Variants in TMEM178A observed in about 807,000 individuals in gnomAD.
TMEM178A encodes the protein transmembrane protein 178.
Under a neutral mutation model 29.1 loss-of-function variants are expected in TMEM178A, and 12 were observed. The ratio of observed to expected loss-of-function variants is 0.41; its 90% CI spans 0.26 to 0.67. The LOEUF (loss-of-function observed/expected upper bound fraction) is 0.67, where lower values mean the gene tolerates loss of function less well. Ranked by LOEUF, TMEM178A falls within the 30% of genes least tolerant of loss-of-function variation. The pLI, the probability that TMEM178A is intolerant of heterozygous loss-of-function variation, is 0.29. For missense variants in TMEM178A, 366 were observed against 419.1 expected (o/e 0.87, Z 1.11); for synonymous variants, 210 against 187.2 (o/e 1.12, Z -0.99).
At chr2:39,718,506 A>G (rs111293314), downstream of TMEM178A, among the ~76,000 whole-genome samples, 3 of 152,356 alleles carry the variant, frequency 2.0e-5, no homozygotes, top group African/African-American at 7.2e-5. Context: ...CATTTGGGCC[A>G]GAACCGTGGT....
At position 39,689,656 on chromosome 2, in the gene TMEM178A, T is replaced by C. The variant is rs1468642467; in HGVS notation, c.401-14425T>C. Among the ~76,000 whole-genome samples the C allele has an allele frequency of 2.0e-5, 3 of 152,180 alleles. No homozygotes were observed. The East Asian group carries it at 5.8e-4, about 29-fold the overall frequency. Reference sequence around the variant, plus strand: ...TCTGGAGCTGGATGGTGGTGATGGGTGCACAACAATATGAATGTATTTAAT... The same window carrying C: ...TCTGGAGCTGGATGGTGGTGATGGGCGCACAACAATATGAATGTATTTAAT... On this transcript the variant is annotated intron_variant, in intron 1 of 3. Transcript: ENST00000281961.
chr2:39,665,658 A>G (rs13409569), upstream of TMEM178A: 30,874 of 233,542 alleles, frequency 0.13, 4,721 homozygotes, highest in African/African-American at 0.47. Flanking sequence ...GAGGGGCGAG[A>G]GGAGTGCGCG....
chr2:39,708,692 C>G (rs544935824), intron 3 of TMEM178A, among the ~76,000 whole-genome samples: 1 of 152,038 alleles, frequency 6.6e-6, no homozygotes. Context: ...GCTGGGATTA[C>G]AGGCGTGAGC....
intron 1 of TMEM178A, among the ~76,000 whole-genome samples, chr2:39,674,407 C>A (rs1312361885): frequency 6.6e-6 from 1 of 152,180 alleles, no homozygotes; most frequent in Non-Finnish European, 1.5e-5. Context: ...AGTGAAGTAA[C>A]TCAGGAATGG....
chr2:39,667,122 A>T (rs1318683820), intron 1 of TMEM178A, among the ~76,000 whole-genome samples: 2 of 152,224 alleles, frequency 1.3e-5, no homozygotes, highest in Non-Finnish European at 2.9e-5. Context: ...CTCGCTGTCC[A>T]GGCACTGAGG....
intron 1 of TMEM178A, among the ~76,000 whole-genome samples, chr2:39,680,595 C>T (rs138594119): frequency 1.2e-3 from 190 of 152,080 alleles, no homozygotes; most frequent in African/African-American, 4.5e-3. Flanking sequence ...ATAAGTTATA[C>T]CTGGTGTCAG....
At chr2:39,686,542 C>G (rs1399045177) in intron 1 of TMEM178A, among the ~76,000 whole-genome samples, 1 of 152,104 alleles carries the variant, frequency 6.6e-6, no homozygotes, top group Non-Finnish European at 1.5e-5. Context: ...AAGTATAAGG[C>G]AGCTGGAATG....
At chr2:39,726,553 G>A in the TMEM178A span, among the ~76,000 whole-genome samples, 1 of 152,202 alleles carries the variant, frequency 6.6e-6, no homozygotes, top group Non-Finnish European at 1.5e-5. Flanking sequence ...AAACATAAGA[G>A]TGATAAAATC....
intron 1 of TMEM178A, among the ~76,000 whole-genome samples, chr2:39,672,786 C>G (rs767654716): frequency 6.6e-5 from 10 of 152,190 alleles, no homozygotes; most frequent in Non-Finnish European, 1.0e-4. Context: ...ATACTCTTGC[C>G]TTGGCCTCCC....
chr2:39,714,993 G>A lies in TMEM178A; in HGVS notation c.653-2017G>A, dbSNP rs142951071. The stretch of plus-strand genomic sequence containing the variant: ...CACTCTTAGGGACTTCAGTAATCAA[G>A]TTTCCCACTCTTTTTTTCCCTAGAT... On this transcript the variant is annotated intron_variant, in intron 3 of 3. Transcript: ENST00000281961. Among the ~76,000 whole-genome samples, 1,369 of 152,282 alleles carry A rather than the reference G, an allele frequency of 9.0e-3. 11 individuals are homozygous for A. The highest frequency in any genetic ancestry group is 0.014 in the Admixed American group (208 of 15,294).
chr2:39,714,632 C>T (rs905111274), intron 3 of TMEM178A, among the ~76,000 whole-genome samples: 1 of 152,180 alleles, frequency 6.6e-6, no homozygotes, highest in Non-Finnish European at 1.5e-5. Flanking sequence ...CCAGGAAAAG[C>T]ACAAACATCC....
At chr2:39,734,768 T>G in the TMEM178A span, among the ~76,000 whole-genome samples, 2 of 152,172 alleles carry the variant, frequency 1.3e-5, no homozygotes, top group Admixed American at 6.5e-5. Flanking sequence ...TCTGCAGCCT[T>G]TCCTCTCTTA....
Position 39,710,263 on chromosome 2 carries a change from A to G in TMEM178A, c.652+3077A>G, listed in dbSNP as rs1672247097. Among the ~76,000 whole-genome samples the G allele has an allele frequency of 3.3e-5, 5 of 152,360 alleles. No homozygotes were observed. The South Asian group carries it at 1.0e-3, about 32-fold the overall frequency. On this transcript the variant is annotated intron_variant, in intron 3 of 3. Coordinates refer to ENST00000281961, the MANE Select transcript of TMEM178A (RefSeq NM_152390.3). The stretch of plus-strand genomic sequence containing the variant: ...GAAGTTTGATGACCAGTTCTGAAGG[A>G]CTAACAGATACAACCTAACATTGTT...
rs72934299 is a variant in TMEM178A at position 39,703,644 on chromosome 2, C to T, written c.401-437C>T. 9.3e-3 allele frequency among the ~76,000 whole-genome samples: 1,411 copies of T among 152,278 alleles called. 19 individuals are homozygous for T. The highest frequency in any genetic ancestry group is 0.032 in the African/African-American group (1,342 of 41,532). On this transcript the variant is annotated intron_variant, in intron 1 of 3. Transcript: ENST00000281961. Reference sequence around the variant, plus strand: ...CCACCTAAACCATGTGGAAGGTTATCTTTATGGAAAAATGTCTTCTGGTTT... The same window carrying T: ...CCACCTAAACCATGTGGAAGGTTATTTTTATGGAAAAATGTCTTCTGGTTT...
chr2:39,680,749 A>G (rs1055796091), intron 1 of TMEM178A, among the ~76,000 whole-genome samples: 1 of 151,212 alleles, frequency 6.6e-6, no homozygotes, highest in African/African-American at 2.5e-5. Context: ...AAAGAAAAAA[A>G]CATGCTTTTT....
chr2:39,719,334 T>C (rs1178740045), downstream of TMEM178A, among the ~76,000 whole-genome samples: 3 of 152,200 alleles, frequency 2.0e-5, no homozygotes, highest in Non-Finnish European at 4.4e-5. Flanking sequence ...AGAAGTTTCC[T>C]AGGGGTTTGA....
intron 1 of TMEM178A, among the ~76,000 whole-genome samples, chr2:39,703,800 T>C (rs1671901122): frequency 6.6e-6 from 1 of 152,218 alleles, no homozygotes; most frequent in African/African-American, 2.4e-5. Flanking sequence ...ATCTGTGTAC[T>C]TTTAGGCCAT....
At chr2:39,697,529 G>T (rs1671595811) in intron 1 of TMEM178A, among the ~76,000 whole-genome samples, 1 of 152,146 alleles carries the variant, frequency 6.6e-6, no homozygotes, top group Non-Finnish European at 1.5e-5. Context: ...AAACTCAGCT[G>T]TGGAGCTCTG....
At chr2:39,687,206 G>T (rs73927031) in intron 1 of TMEM178A, 10,160 of 165,900 alleles carry the variant, frequency 0.061, 1,039 homozygotes, top group African/African-American at 0.22. Flanking sequence ...GGACCAGATG[G>T]CTATTCATAT....
Sources: gnomAD v4.1 joint callset for allele counts (sites outside exome capture counted in the v4.1 genomes callset) on GRCh38, gnomAD v4.1.1 for gene constraint, MANE v1.5 for transcripts, NCBI Gene and HGNC (gene_info 2026-07-23, HGNC 2026-07-21) for gene names.